Variants in SORCS1 observed in about 807,000 individuals in gnomAD.
SORCS1 encodes VPS10 domain-containing receptor SorCS1.
Under a neutral mutation model 146.1 loss-of-function variants are expected in SORCS1, and 60 were observed. That is an observed-to-expected ratio of 0.41 (90% CI 0.33 to 0.51). The LOEUF is 0.51. Ranked by LOEUF, SORCS1 falls within the 20% of genes least tolerant of loss-of-function variation. The probability of loss-of-function intolerance (pLI) is 0.21; values close to 1 mark genes in which losing one functional copy is unlikely to be tolerated. For missense variants in SORCS1, 1,352 were observed against 1,487.6 expected (o/e 0.91, Z 1.50); for synonymous variants, 637 against 584.0 (o/e 1.09, Z -1.31).
chr10:107,126,619 A>G (rs912379894), intron 1 of SORCS1, among the ~76,000 whole-genome samples: 19 of 152,072 alleles, frequency 1.2e-4, no homozygotes, highest in Non-Finnish European at 2.1e-4. Flanking sequence ...CTTTCTCTGC[A>G]TATTTGTGGA....
At chr10:106,880,876 C>A (rs1390656558) in intron 2 of SORCS1, among the ~76,000 whole-genome samples, 1 of 151,876 alleles carries the variant, frequency 6.6e-6, no homozygotes, top group African/African-American at 2.4e-5. Flanking sequence ...ATCACAAGGT[C>A]AGGAGATGGA....
At chr10:107,006,861 G>A (rs1313194025) in intron 1 of SORCS1, among the ~76,000 whole-genome samples, 1 of 152,144 alleles carries the variant, frequency 6.6e-6, no homozygotes, top group Non-Finnish European at 1.5e-5. Flanking sequence ...CCACAGAACT[G>A]CAGATTCTTC....
intron 4 of SORCS1, among the ~76,000 whole-genome samples, chr10:106,773,843 G>C (rs989581046): frequency 1.3e-5 from 2 of 152,110 alleles, no homozygotes; most frequent in African/African-American, 4.8e-5. Context: ...CAGCTACTTG[G>C]GAGGCTGAGG....
At chr10:106,672,136 A>C (rs61868382) in intron 15 of SORCS1, among the ~76,000 whole-genome samples, 19,982 of 152,156 alleles carry the variant, frequency 0.13, 1,554 homozygotes, top group East Asian at 0.31. Context: ...TGGCTTCATT[A>C]TACATCTACA....
At chr10:106,627,800 C>A (rs1357673452) in intron 19 of SORCS1, among the ~76,000 whole-genome samples, 1 of 152,210 alleles carries the variant, frequency 6.6e-6, no homozygotes, top group African/African-American at 2.4e-5. Flanking sequence ...GACAGCTCCT[C>A]CAATCCCAAG....
At chr10:107,053,993 A>G (rs943629689) in intron 1 of SORCS1, among the ~76,000 whole-genome samples, 4 of 152,208 alleles carry the variant, frequency 2.6e-5, no homozygotes, top group Non-Finnish European at 5.9e-5. Context: ...AAAACTGCTG[A>G]TACCTGGAAC....
chr10:106,673,416 C>T (rs1016407172), intron 14 of SORCS1, among the ~76,000 whole-genome samples: 7 of 152,164 alleles, frequency 4.6e-5, no homozygotes, highest in Non-Finnish European at 1.0e-4. Context: ...AGGTGTGAGC[C>T]ACCGCACTTG....
chr10:107,122,261 C>T (rs1043663389), intron 1 of SORCS1, among the ~76,000 whole-genome samples: 14 of 152,322 alleles, frequency 9.2e-5, no homozygotes, highest in Middle Eastern at 3.4e-3. Context: ...CCTGATATTT[C>T]GTCCATGTAC....
intron 1 of SORCS1, among the ~76,000 whole-genome samples, chr10:107,012,947 T>C (rs1362505646): frequency 6.6e-6 from 1 of 152,136 alleles, no homozygotes; most frequent in Non-Finnish European, 1.5e-5. Flanking sequence ...CCAGGTTGAG[T>C]TGCTTGTTTC....
chr10:106,890,994 C>T (rs1014682921), intron 2 of SORCS1, among the ~76,000 whole-genome samples: 1 of 152,056 alleles, frequency 6.6e-6, no homozygotes, highest in South Asian at 2.1e-4. Context: ...AAGGATAATT[C>T]CTCTAGTAGT....
intron 22 of SORCS1, among the ~76,000 whole-genome samples, chr10:106,608,913 C>A (rs544488932): frequency 1.3e-5 from 2 of 152,298 alleles, no homozygotes; most frequent in South Asian, 4.1e-4. Context: ...CAGGACTTTA[C>A]ATAACTGCAC....
At chr10:107,087,227 C>A (rs1963829590) in intron 1 of SORCS1, among the ~76,000 whole-genome samples, 1 of 152,140 alleles carries the variant, frequency 6.6e-6, no homozygotes, top group Non-Finnish European at 1.5e-5. Flanking sequence ...CACCTGCCAC[C>A]ATTTGGCTTG....
intron 1 of SORCS1, among the ~76,000 whole-genome samples, chr10:107,127,125 A>G (rs970326499): frequency 1.3e-5 from 2 of 152,004 alleles, no homozygotes; most frequent in Non-Finnish European, 2.9e-5. Context: ...ATAAAACAAA[A>G]AAAAATGCTC....
In SORCS1 at chr10:106,935,044, G is replaced by A. The variant is rs561855608; in HGVS notation, c.626+21469C>T. Reference sequence around the variant, plus strand: ...ATTCATCCATGTAATCAAAAACCACGAGTACCCCAAAAACTACTGAAATTA... The same window carrying A: ...ATTCATCCATGTAATCAAAAACCACAAGTACCCCAAAAACTACTGAAATTA... On this transcript the variant is annotated intron_variant, in intron 2 of 25. Transcript: ENST00000263054. Among the ~76,000 whole-genome samples, 38 of 151,802 alleles carry A rather than the reference G, an allele frequency of 2.5e-4. 1 individual carries two copies. The highest frequency in any genetic ancestry group is 2.4e-3 in the Admixed American group (37 of 15,246).
chr10:107,137,352 A>C (rs1290494765), intron 1 of SORCS1, among the ~76,000 whole-genome samples: 1 of 152,176 alleles, frequency 6.6e-6, no homozygotes, highest in African/African-American at 2.4e-5. Flanking sequence ...GGATGTCAGC[A>C]TATAGTATAC....
chr10:106,775,419 T>A (rs1713349397), intron 4 of SORCS1, among the ~76,000 whole-genome samples: 1 of 152,188 alleles, frequency 6.6e-6, no homozygotes, highest in East Asian at 1.9e-4. Context: ...TAATGTGCAT[T>A]TTATTTGGCA....
intron 18 of SORCS1, among the ~76,000 whole-genome samples, chr10:106,651,941 C>T (rs1213666623): frequency 6.6e-6 from 1 of 152,160 alleles, no homozygotes; most frequent in African/African-American, 2.4e-5. Flanking sequence ...ACATTGGCCT[C>T]AGTGCTATAT....
At chr10:106,934,100 C>CAAAAAAAAAAA (rs57432764) in intron 2 of SORCS1, among the ~76,000 whole-genome samples, 1 of 97,508 alleles carries the variant, frequency 1.0e-5, no homozygotes. Flanking sequence ...TCTCAAAAAA[C>CAAAAAAAAAAA]AAAAAAAAAA....
intron 1 of SORCS1, among the ~76,000 whole-genome samples, chr10:107,000,270 C>A (rs1489248866): frequency 2.0e-5 from 3 of 152,160 alleles, no homozygotes; most frequent in Non-Finnish European, 4.4e-5. Context: ...ATCTTTCCCC[C>A]CAAAACCGGC....
Sources: gnomAD v4.1 joint callset for allele counts (sites outside exome capture counted in the v4.1 genomes callset) on GRCh38, gnomAD v4.1.1 for gene constraint, MANE v1.5 for transcripts, NCBI Gene and HGNC (gene_info 2026-07-23, HGNC 2026-07-21) for gene names.